Variants in EPHA3 observed in about 807,000 individuals in gnomAD.
EPHA3 encodes the protein EPH receptor A3.
Under a neutral mutation model 107.1 loss-of-function variants are expected in EPHA3, and 42 were observed. The ratio of observed to expected loss-of-function variants is 0.39; its 90% CI spans 0.31 to 0.51. EPHA3 has a LOEUF of 0.51. EPHA3 is among the 20% of genes least tolerant of loss of function. The pLI, the probability that EPHA3 is intolerant of heterozygous loss-of-function variation, is 0.78. For synonymous variants in EPHA3, 461 were observed against 424.8 expected, an observed-to-expected ratio of 1.09 and a Z score of -1.05; for missense variants, 1,183 against 1,211.2, an observed-to-expected ratio of 0.98 and a Z score of 0.35.
At chr3:89,297,892 G>T (rs1223597971) in intron 3 of EPHA3, among the ~76,000 whole-genome samples, 2 of 152,032 alleles carry the variant, frequency 1.3e-5, no homozygotes, top group Non-Finnish European at 2.9e-5. Flanking sequence ...GAAACTAGCT[G>T]GGCATGATGG....
chr3:89,343,294 A>T (rs1281444490), intron 5 of EPHA3, among the ~76,000 whole-genome samples: 1 of 152,236 alleles, frequency 6.6e-6, no homozygotes, highest in East Asian at 1.9e-4. Flanking sequence ...CTACAAAAGC[A>T]AGTATGCATC....
At chr3:89,281,521 T>C (rs1416082212) in intron 3 of EPHA3, among the ~76,000 whole-genome samples, 1 of 152,174 alleles carries the variant, frequency 6.6e-6, no homozygotes, top group Non-Finnish European at 1.5e-5. Flanking sequence ...TAACCAAAGA[T>C]GCATTATGTA....
intron 3 of EPHA3, among the ~76,000 whole-genome samples, chr3:89,255,490 G>A (rs1292112615): frequency 6.6e-6 from 1 of 152,142 alleles, no homozygotes; most frequent in Admixed American, 6.5e-5. Context: ...ATTTTCCATG[G>A]CTGCTTTCAC....
chr3:89,312,455 C>T (rs1367265021), intron 3 of EPHA3, among the ~76,000 whole-genome samples: 1 of 150,444 alleles, frequency 6.6e-6, no homozygotes, highest in African/African-American at 2.4e-5. Context: ...CCTTTCTGAT[C>T]TTATCTTTCT....
intron 5 of EPHA3, among the ~76,000 whole-genome samples, chr3:89,384,294 G>A (rs1242657795): frequency 1.3e-5 from 2 of 151,910 alleles, no homozygotes; most frequent in African/African-American, 2.4e-5. Context: ...TTGGGGACTC[G>A]GGCTATTAAA....
chr3:89,202,527 A>AT (rs1705994013), intron 2 of EPHA3, among the ~76,000 whole-genome samples: 5 of 118,296 alleles, frequency 4.2e-5, no homozygotes, highest in African/African-American at 1.5e-4. Context: ...AAAAAAAAAA[A>AT]AAAAAAAATA....
chr3:89,169,727 C>T (rs2107093172), intron 2 of EPHA3, among the ~76,000 whole-genome samples: 1 of 152,220 alleles, frequency 6.6e-6, no homozygotes. Context: ...CTTAAGTTCT[C>T]TTGCATTTAT....
chr3:89,276,184 G>T lies in EPHA3; in HGVS notation c.815-64732G>T, dbSNP rs145905314. Among the ~76,000 whole-genome samples the T allele has an allele frequency of 4.5e-4, 68 of 152,180 alleles. No individual in the cohort carries two copies. The East Asian group carries it at 0.013, about 29-fold the overall frequency. ...TAATTTCTCCCCCAGAACATACTCTGATTGCTTTATCAATGTCACAGGATG... is the reference window on the plus strand; with the variant it reads ...TAATTTCTCCCCCAGAACATACTCTTATTGCTTTATCAATGTCACAGGATG... On this transcript the variant is annotated intron_variant, in intron 3 of 16. Transcript: ENST00000336596.
chr3:89,476,711 C>T lies in EPHA3; in HGVS notation c.2847-2686C>T, dbSNP rs1160938653. On this transcript the variant is annotated intron_variant, in intron 16 of 16. Coordinates refer to ENST00000336596, the MANE Select transcript of EPHA3 (RefSeq NM_005233.6). ...CAAGCTCCGCCTCCTGGGTTCACGC[C>T]ATTCTCCTGCCTCAGCCTCCGGAGT... Among the ~76,000 whole-genome samples, 7 of 151,574 alleles carry T rather than the reference C, an allele frequency of 4.6e-5. No individual in the cohort carries two copies. In the East Asian group the frequency reaches 1.2e-3, roughly 25 times the overall value.
chr3:89,419,655 G>A (rs1045028856), intron 11 of EPHA3, among the ~76,000 whole-genome samples: 3 of 151,370 alleles, frequency 2.0e-5, no homozygotes, highest in Non-Finnish European at 3.0e-5. Context: ...ACGCTGATTA[G>A]CAGACAGTTA....
At chr3:89,238,035 G>A (rs2107238207) in intron 3 of EPHA3, among the ~76,000 whole-genome samples, 1 of 151,168 alleles carries the variant, frequency 6.6e-6, no homozygotes, top group African/African-American at 2.4e-5. Flanking sequence ...TACATGAAGA[G>A]AAAAGATCAA....
intron 3 of EPHA3, among the ~76,000 whole-genome samples, chr3:89,224,107 A>G (rs1037429709): frequency 2.0e-5 from 3 of 152,190 alleles, no homozygotes; most frequent in African/African-American, 7.2e-5. Context: ...AAGGTGGATA[A>G]CTTTCTTGAA....
chr3:89,231,826 C>T (rs1704641392), intron 3 of EPHA3, among the ~76,000 whole-genome samples: 2 of 152,146 alleles, frequency 1.3e-5, no homozygotes, highest in East Asian at 1.9e-4. Context: ...GAAATGATGA[C>T]CCAAAGATCC....
At chr3:89,267,019 A>G (rs773401203) in intron 3 of EPHA3, among the ~76,000 whole-genome samples, 13 of 152,114 alleles carry the variant, frequency 8.5e-5, no homozygotes, top group Non-Finnish European at 1.9e-4. Context: ...GTTTTCTACC[A>G]CTTCTCATAT....
At chr3:89,477,642 T>C (rs767317057) in intron 16 of EPHA3, among the ~76,000 whole-genome samples, 6 of 152,124 alleles carry the variant, frequency 3.9e-5, no homozygotes, top group Non-Finnish European at 7.4e-5. Context: ...GTGTGTGGTG[T>C]GTTCACACGT....
chr3:89,209,925 C>T lies in EPHA3; in HGVS notation c.219C>T (p.Val73=). ...TCAGGACTTACCAGGTGTGCAATGT[C>T]ATGGACCACAGTCAAAACAATTGGC... is the stretch of plus-strand genomic sequence containing the variant. ...TPIRTYQVCN[V]MDHSQNNWLR... The change falls in exon 3 of 17, where the codon GTC becomes GTT. Residue 73 remains valine, a synonymous_variant. Coordinates refer to ENST00000336596, the MANE Select transcript of EPHA3 (RefSeq NM_005233.6). The T allele has an allele frequency of 6.2e-7, 1 of 1,613,744 alleles. No individual in the cohort carries two copies. Among genetic ancestry groups the T allele is most frequent in the Non-Finnish European group, 8.5e-7 (1 of 1,179,856 alleles).
chr3:89,130,625 TC>T (rs1704185614), intron 2 of EPHA3, among the ~76,000 whole-genome samples: 1 of 149,814 alleles, frequency 6.7e-6, no homozygotes, highest in Admixed American at 6.7e-5. Context: ...TATTTCTATC[TC>T]CTTTTTTTTT....
chr3:89,227,594 A>C (rs556061817), intron 3 of EPHA3, among the ~76,000 whole-genome samples: 2 of 151,992 alleles, frequency 1.3e-5, no homozygotes, highest in Non-Finnish European at 2.9e-5. Flanking sequence ...AAAATTTCTC[A>C]ATTACCTTGT....
chr3:89,291,871 C>T (rs1165957851), intron 3 of EPHA3, among the ~76,000 whole-genome samples: 1 of 152,144 alleles, frequency 6.6e-6, no homozygotes, highest in East Asian at 1.9e-4. Context: ...ATCTATGATC[C>T]TTACTCTACT....
Sources: allele counts gnomAD v4.1 joint callset (sites outside exome capture counted in the v4.1 genomes callset), GRCh38; gene constraint gnomAD v4.1.1; transcripts MANE v1.5; gene names NCBI Gene and HGNC (gene_info 2026-07-23, HGNC 2026-07-21).